Variants in VPS36 observed in about 807,000 individuals in gnomAD.
VPS36 encodes vacuolar protein sorting 36 homolog.
VPS36 carries 31 observed loss-of-function variants against 63.5 expected under a neutral mutation model. That is an observed-to-expected ratio of 0.49 (90% CI 0.37 to 0.66). The LOEUF is 0.66. Ranked by LOEUF, VPS36 falls within the 30% of genes least tolerant of loss-of-function variation. The pLI is 0.00. For missense variants in VPS36, 338 were observed against 463.7 expected (o/e 0.73, Z 2.49); for synonymous variants, 138 against 157.2 (o/e 0.88, Z 0.91).
chr13:52,416,169 G>T, intron 12 of VPS36, 76 bp from the exon 13 acceptor site: 1 of 1,427,720 alleles, frequency 7.0e-7, no homozygotes, highest in Non-Finnish European at 9.7e-7. Context: ...GGTTCTAATG[G>T]TAGGCAGAAT....
At chr13:52,448,648 C>T (rs777338349) in intron 1 of VPS36, among the ~76,000 whole-genome samples, 3 of 152,248 alleles carry the variant, frequency 2.0e-5, no homozygotes, top group Non-Finnish European at 4.4e-5. Context: ...AAAATTAAAA[C>T]TTGCTGCTTC....
At chr13:52,422,385 T>C (rs561714509) in intron 10 of VPS36, among the ~76,000 whole-genome samples, 2 of 152,324 alleles carry the variant, frequency 1.3e-5, no homozygotes, top group South Asian at 2.1e-4. Context: ...GTTGATTCTA[T>C]CTTTGCTTTT....
At chr13:52,417,501 C>T (rs535324781) in intron 11 of VPS36, among the ~76,000 whole-genome samples, 36 of 152,306 alleles carry the variant, frequency 2.4e-4, no homozygotes, top group African/African-American at 7.9e-4. Flanking sequence ...GCTGGGATTA[C>T]AGGCATGTGC....
intron 4 of VPS36, 89 bp from the exon 5 acceptor site, chr13:52,434,971 C>CT (rs869257101): frequency 0.11 from 90,597 of 804,182 alleles, 93 homozygotes; most frequent in Middle Eastern, 0.12. Context: ...TTCTTTTTTT[C>CT]TTTTTTTTTT....
Position 52,417,111 on chromosome 13 carries a change from T to C in VPS36, c.936A>G (p.Val312=). ...RLRVFDSGVM[V]IELQSHKEEE... is the part of the protein sequence containing the mutation. ...CTTCCTTGTGAGACTGAAGCTCAAT[T>C]ACCATGACGCCACTGTCAAACACAC... The change falls in exon 12 of 14, where the codon GTA becomes GTG. Residue 312 remains valine, a synonymous_variant. Coordinates refer to ENST00000378060, the MANE Select transcript of VPS36 (RefSeq NM_016075.4). 1.2e-6 allele frequency: 2 copies of C among 1,614,006 alleles called. No individual in the cohort carries two copies. Among genetic ancestry groups the C allele is most frequent in the Non-Finnish European group, 1.7e-6 (2 of 1,179,990 alleles).
intron 1 of VPS36, among the ~76,000 whole-genome samples, chr13:52,443,050 A>C (rs1958297033): frequency 6.6e-6 from 1 of 152,214 alleles, no homozygotes; most frequent in African/African-American, 2.4e-5. Context: ...ACATACAAAA[A>C]TAAATATGGA....
intron 1 of VPS36, among the ~76,000 whole-genome samples, chr13:52,443,176 A>G (rs1958298304): frequency 6.6e-6 from 1 of 152,220 alleles, no homozygotes; most frequent in Non-Finnish European, 1.5e-5. Flanking sequence ...AGAAGGATCA[A>G]ACAATTGAGT....
intron 10 of VPS36, 29 bp downstream of exon 10, chr13:52,423,544 TA>T: frequency 6.3e-7 from 1 of 1,583,458 alleles, no homozygotes; most frequent in Non-Finnish European, 8.7e-7. Context: ...TACATTTGGT[TA>T]AAAGAGTATT....
At position 52,425,933 on chromosome 13, in the gene VPS36, T is replaced by A; in HGVS notation, c.773A>T (p.Glu258Val). ...QLAGILQVPL[E>V]ERGGIMSLTE... is the part of the protein sequence containing the mutation. ...AAAACACATAGGTTTAGTTTTTACCTCTAAAGGCACCTGCAATATTCCAGC... is the reference window on the plus strand; with the variant it reads ...AAAACACATAGGTTTAGTTTTTACCACTAAAGGCACCTGCAATATTCCAGC... The change falls in exon 9 of 14, where the codon GAG becomes GTG. Residue 258 changes from glutamate (E) to valine (V), a missense_variant and splice_region_variant. Coordinates refer to ENST00000378060, the MANE Select transcript of VPS36 (RefSeq NM_016075.4). 6.2e-7 allele frequency: 1 copy of A among 1,611,690 alleles called. No individual in the cohort carries two copies. Among genetic ancestry groups the A allele is most frequent in the Non-Finnish European group, 8.5e-7 (1 of 1,179,322 alleles).
At chr13:52,420,639 T>C (rs1358371928) in intron 10 of VPS36, among the ~76,000 whole-genome samples, 1 of 151,832 alleles carries the variant, frequency 6.6e-6, no homozygotes, top group Non-Finnish European at 1.5e-5. Flanking sequence ...GGCCCTATTG[T>C]ATATTTCAAA....
chr13:52,436,708 T>C (rs148272815), intron 3 of VPS36, among the ~76,000 whole-genome samples: 143 of 152,344 alleles, frequency 9.4e-4, no homozygotes, highest in Admixed American at 1.6e-3. Flanking sequence ...TTTATGATTA[T>C]GGTTTTCCAA....
intron 1 of VPS36, among the ~76,000 whole-genome samples, chr13:52,449,632 A>G (rs1350375261): frequency 6.6e-6 from 1 of 152,230 alleles, no homozygotes; most frequent in Non-Finnish European, 1.5e-5. Context: ...CTGGAAACCA[A>G]AAATGCTTGT....
chr13:52,430,575 T>C (rs1463656444), intron 6 of VPS36, among the ~76,000 whole-genome samples: 6 of 151,200 alleles, frequency 4.0e-5, no homozygotes, highest in Non-Finnish European at 8.8e-5. Context: ...GAGGTTGCAG[T>C]GAGCCAAGAT....
At chr13:52,425,267 A>AG (rs1187531755) in intron 9 of VPS36, among the ~76,000 whole-genome samples, 2 of 152,002 alleles carry the variant, frequency 1.3e-5, no homozygotes, top group African/African-American at 2.4e-5. Context: ...AAAAAAAAAA[A>AG]AAAGAAAATG....
chr13:52,416,017 C>T lies in VPS36; in HGVS notation c.1067G>A (p.Arg356Lys). 2 of 1,613,806 alleles carry T rather than the reference C, an allele frequency of 1.2e-6. No homozygotes were observed. Among genetic ancestry groups the T allele is most frequent in the South Asian group, 1.1e-5 (1 of 90,988 alleles). ...AATGAAAGGTAAGAACCTTACTTACCTTTCTTTGGCTAGGAGGACAGACAT... is the reference window on the plus strand; with the variant it reads ...AATGAAAGGTAAGAACCTTACTTACTTTTCTTTGGCTAGGAGGACAGACAT... ...VGMSVLLAKE[R>K]LLLAEKMGHL... Residue 356 changes from arginine to lysine, a missense_variant and splice_region_variant, in exon 13 of 14, where the codon AGG (arginine) becomes AAG (lysine). Arg to Lys is a conservative substitution (Grantham distance 26). Transcript: ENST00000378060.
intron 3 of VPS36, among the ~76,000 whole-genome samples, chr13:52,438,376 A>C (rs1196616210): frequency 2.0e-5 from 3 of 152,222 alleles, no homozygotes; most frequent in South Asian, 2.1e-4. Flanking sequence ...ATAATCTTTT[A>C]CAGTAAATCA....
chr13:52,437,427 A>G (rs1476364977), intron 3 of VPS36, among the ~76,000 whole-genome samples: 1 of 152,202 alleles, frequency 6.6e-6, no homozygotes, highest in East Asian at 1.9e-4. Flanking sequence ...CAATTAAGAT[A>G]ACTAAGCAAA....
intron 1 of VPS36, among the ~76,000 whole-genome samples, chr13:52,445,143 T>C (rs2137810234): frequency 6.6e-6 from 1 of 152,342 alleles, no homozygotes; most frequent in Non-Finnish European, 1.5e-5. Flanking sequence ...TGTCAGAGAA[T>C]AGACCTTATG....
At chr13:52,439,789 T>A (rs1236973607) in intron 2 of VPS36, among the ~76,000 whole-genome samples, 1 of 152,088 alleles carries the variant, frequency 6.6e-6, no homozygotes, top group Non-Finnish European at 1.5e-5. Flanking sequence ...ATGAAAACAT[T>A]TTACTCGTAA....
Sources: gnomAD v4.1 joint callset for allele counts (sites outside exome capture counted in the v4.1 genomes callset) on GRCh38, gnomAD v4.1.1 for gene constraint, MANE v1.5 for transcripts, NCBI Gene and HGNC (gene_info 2026-07-23, HGNC 2026-07-21) for gene names.